Variants in SPIDR observed in about 807,000 individuals in gnomAD.
SPIDR encodes DNA repair-scaffolding protein.
Under a neutral mutation model 104.6 loss-of-function variants are expected in SPIDR, and 93 were observed. The observed-to-expected ratio is 0.89, with a 90% CI of 0.75 to 1.06. The LOEUF (loss-of-function observed/expected upper bound fraction) is 1.06. Among genes scored for constraint, SPIDR ranks in the 50% least tolerant of loss-of-function variants. The probability of loss-of-function intolerance (pLI) is 0.00; values close to 1 mark genes in which losing one functional copy is unlikely to be tolerated. For synonymous variants in SPIDR, 431 were observed against 416.9 expected, an observed-to-expected ratio of 1.03 and a Z score of -0.41; for missense variants, 1,154 against 1,111.2, an observed-to-expected ratio of 1.04 and a Z score of -0.55.
chr8:47,316,559 A>G (rs2045386433), intron 5 of SPIDR, among the ~76,000 whole-genome samples: 3 of 152,208 alleles, frequency 2.0e-5, no homozygotes, highest in Admixed American at 2.0e-4. Context: ...TCAACAACAT[A>G]ATGAATTTCA....
At position 47,410,587 on chromosome 8, in the gene SPIDR, A is replaced by G. The variant is rs377669393; in HGVS notation, c.877+2626A>G. 3.8e-3 allele frequency among the ~76,000 whole-genome samples: 578 copies of G among 152,180 alleles called. 3 individuals are homozygous for G. Among genetic ancestry groups the G allele is most frequent in the South Asian group, 0.022 (107 of 4,822 alleles). ...ATTATGACATTAAATAATAATCTTT[A>G]CAACTCATTTGACCACCCTGAAGGC... On this transcript the variant is annotated intron_variant, in intron 7 of 19. Transcript: ENST00000297423.
rs560743082 is a variant in SPIDR at position 47,690,278 on chromosome 8, G to C, written c.1686-10125G>C. Among the ~76,000 whole-genome samples the C allele has an allele frequency of 7.2e-5, 11 of 152,138 alleles. No individual in the cohort carries two copies. In the East Asian group the frequency reaches 1.7e-3, roughly 24 times the overall value. On this transcript the variant is annotated intron_variant, in intron 11 of 19. Coordinates refer to ENST00000297423, the MANE Select transcript of SPIDR (RefSeq NM_001080394.4). ...GTGAAGTTGAGAGAGTGTGTGGGGG[G>C]GGTGAGGGGTGCGCGTGCACGTGCG... is the stretch of plus-strand genomic sequence containing the variant.
intron 10 of SPIDR, among the ~76,000 whole-genome samples, chr8:47,627,415 A>G (rs1333383095): frequency 6.6e-6 from 1 of 152,122 alleles, no homozygotes; most frequent in Non-Finnish European, 1.5e-5. Flanking sequence ...AAAAAAAGAA[A>G]TGATTTACCG....
intron 7 of SPIDR, among the ~76,000 whole-genome samples, chr8:47,436,929 C>G (rs781929984): frequency 2.6e-5 from 4 of 152,074 alleles, no homozygotes; most frequent in Non-Finnish European, 5.9e-5. Context: ...GCCATGGGAG[C>G]GCCGCTCAGT....
At chr8:47,402,437 G>A (rs568033205) in intron 6 of SPIDR, among the ~76,000 whole-genome samples, 46 of 152,142 alleles carry the variant, frequency 3.0e-4, no homozygotes, top group South Asian at 1.0e-3. Flanking sequence ...AAAGATGAAC[G>A]AAATTGATAG....
At chr8:47,439,253 T>C (rs1465709220) in intron 7 of SPIDR, among the ~76,000 whole-genome samples, 1 of 152,228 alleles carries the variant, frequency 6.6e-6, no homozygotes, top group Non-Finnish European at 1.5e-5. Context: ...TTCTCTCTCC[T>C]TAGAGACAGT....
chr8:47,599,250 T>G (rs2061978448), intron 10 of SPIDR, 54 bp downstream of exon 10: 1 of 1,591,366 alleles, frequency 6.3e-7, no homozygotes, highest in African/African-American at 1.3e-5. Flanking sequence ...TTAGACAGAG[T>G]GCTCTAGAAA....
chr8:47,639,504 GTTGAT>G (rs2068497054), intron 10 of SPIDR, among the ~76,000 whole-genome samples: 2 of 152,176 alleles, frequency 1.3e-5, no homozygotes, highest in African/African-American at 4.8e-5. Flanking sequence ...AGTTGTAGTT[GTTGAT>G]TTATCTAGGG....
chr8:47,677,850 G>C (rs1450379033), intron 11 of SPIDR, among the ~76,000 whole-genome samples: 2 of 152,208 alleles, frequency 1.3e-5, no homozygotes, highest in African/African-American at 4.8e-5. Context: ...GATGTTATCT[G>C]TGGAGACAAA....
chr8:47,575,204 T>C (rs1419133816), intron 8 of SPIDR, among the ~76,000 whole-genome samples: 1 of 152,182 alleles, frequency 6.6e-6, no homozygotes, highest in Non-Finnish European at 1.5e-5. Context: ...CTAAGTGTCT[T>C]GTTTTCTTTG....
In SPIDR at chr8:47,293,869, G is replaced by A; in HGVS notation, c.364G>A (p.Glu122Lys). 1 of 1,603,178 alleles carries A rather than the reference G, an allele frequency of 6.2e-7. No individual in the cohort carries two copies. Among genetic ancestry groups the A allele is most frequent in the South Asian group, 1.1e-5 (1 of 89,164 alleles). The change falls in exon 5 of 20, where the codon GAA becomes AAA. Residue 122 changes from glutamate to lysine, a missense_variant and splice_region_variant. Coordinates refer to ENST00000297423, the MANE Select transcript of SPIDR (RefSeq NM_001080394.4). ...DKTLSQLQRD[E>K]LQFIDWEIDS... ...AAGTTAAAAATTATATTTTTTAGATGAATTACAGTTTATCGACTGGGAGAT... is the reference window on the plus strand; with the variant it reads ...AAGTTAAAAATTATATTTTTTAGATAAATTACAGTTTATCGACTGGGAGAT...
chr8:47,729,440 T>C lies in SPIDR; in HGVS notation c.2579T>C (p.Leu860Pro), dbSNP rs374227359. 1.1e-5 allele frequency: 17 copies of C among 1,598,282 alleles called. No homozygotes were observed. Among genetic ancestry groups the C allele is most frequent in the Admixed American group, 1.7e-5 (1 of 57,796 alleles). Residue 860 changes from leucine to proline, a missense_variant, in exon 19 of 20, where the codon CTG becomes CCG. By Grantham distance (98) the Leu-to-Pro change is moderately conservative. Transcript: ENST00000297423. ...TTGCAGCGCAGCATTTCCTCCCTGC[T>C]GAGGTTTGCCGCCGGTGAAGATGGG... Reference protein sequence around the residue: ...KLLQRSISSLLRFAAGEDGSY... With the variant: ...KLLQRSISSLPRFAAGEDGSY...
intron 8 of SPIDR, among the ~76,000 whole-genome samples, chr8:47,577,043 T>G (rs1032233247): frequency 1.3e-5 from 2 of 152,244 alleles, no homozygotes; most frequent in Non-Finnish European, 2.9e-5. Context: ...ACTTATTGAT[T>G]CCACAGATGA....
At chr8:47,655,088 G>T (rs1218565180) in intron 10 of SPIDR, among the ~76,000 whole-genome samples, 3 of 152,126 alleles carry the variant, frequency 2.0e-5, no homozygotes, top group Non-Finnish European at 2.9e-5. Context: ...AGTGTTCCAT[G>T]GTGTATATGT....
intron 8 of SPIDR, among the ~76,000 whole-genome samples, chr8:47,488,679 A>G (rs1296074959): frequency 1.3e-5 from 2 of 152,196 alleles, no homozygotes; most frequent in African/African-American, 4.8e-5. Context: ...CATCCCGGGG[A>G]TGCAAGGCAG....
rs139700823 is a variant in SPIDR, at chr8:47,562,538, G to A, written c.1098-33273G>A. Among the ~76,000 whole-genome samples the A allele has an allele frequency of 5.5e-4, 84 of 152,278 alleles. 1 individual carries two copies. Among genetic ancestry groups the A allele is most frequent in the African/African-American group, 1.9e-3 (78 of 41,558 alleles). ...ACTGGTAGGACCAAACACACAGGGC[G>A]CTCCACCTCAAAGTCAGCGGAGAAA... On this transcript the variant is annotated intron_variant, in intron 8 of 19. Coordinates refer to ENST00000297423, the MANE Select transcript of SPIDR (RefSeq NM_001080394.4).
chr8:47,584,972 T>A (rs990721850), intron 8 of SPIDR, among the ~76,000 whole-genome samples: 11 of 152,214 alleles, frequency 7.2e-5, no homozygotes, highest in African/African-American at 2.7e-4. Context: ...TAAAATAATA[T>A]TATGTCAAGT....
At chr8:47,363,199 CTTTT>C (rs34705214) in intron 5 of SPIDR, among the ~76,000 whole-genome samples, 1 of 79,694 alleles carries the variant, frequency 1.3e-5, no homozygotes, top group Non-Finnish European at 2.3e-5. Flanking sequence ...CTTTATCTCT[CTTTT>C]TTTTTTTTTT....
chr8:47,294,890 AT>A (rs1170653512), intron 5 of SPIDR, among the ~76,000 whole-genome samples: 3 of 151,510 alleles, frequency 2.0e-5, no homozygotes, highest in Admixed American at 1.3e-4. Context: ...TTACTTCTTA[AT>A]TTTTTTTCTG....
Sources: gnomAD v4.1 joint callset for allele counts (sites outside exome capture counted in the v4.1 genomes callset) on GRCh38, gnomAD v4.1.1 for gene constraint, MANE v1.5 for transcripts, NCBI Gene and HGNC (gene_info 2026-07-23, HGNC 2026-07-21) for gene names.